Variants in KCNIP1 observed in about 807,000 individuals in gnomAD.
The protein encoded by KCNIP1 is potassium voltage-gated channel interacting protein 1.
A neutral mutation model predicts 33.0 loss-of-function variants in KCNIP1; 18 were observed. That is an observed-to-expected ratio of 0.55 (90% CI 0.38 to 0.81). The LOEUF is 0.81. Among genes scored for constraint, KCNIP1 ranks in the 30% least tolerant of loss-of-function variants. The pLI is 0.00. For missense variants in KCNIP1, 238 were observed against 271.6 expected (o/e 0.88, Z 0.87); for synonymous variants, 93 against 98.3 (o/e 0.95, Z 0.32).
At chr5:170,410,571 G>A (rs186927970) in intron 1 of KCNIP1, among the ~76,000 whole-genome samples, 2 of 151,954 alleles carry the variant, frequency 1.3e-5, no homozygotes, top group East Asian at 3.9e-4. Context: ...TTTTAAATAG[G>A]CCCTGTGGAA....
Position 170,504,805 on chromosome 5 carries a change from C to T in KCNIP1, c.61+172C>T, listed in dbSNP as rs1051659423. Among the ~76,000 whole-genome samples the T allele has an allele frequency of 1.3e-5, 2 of 152,148 alleles. No homozygotes were observed. Among genetic ancestry groups the T allele is most frequent in the African/African-American group, 4.8e-5 (2 of 41,444 alleles). On this transcript the variant is annotated intron_variant, in intron 1 of 7. Coordinates refer to ENST00000328939, the MANE Select transcript of KCNIP1 (RefSeq NM_014592.4). The surrounding 1 kb of genome is among the most constrained non-coding windows in gnomAD (Gnocchi z 6.0). ...CGGCGGGAGGGCTGGTGTGAACACC[C>T]AGAGGAGGGAGCCGGAGTGGACGTC...
intron 1 of KCNIP1, among the ~76,000 whole-genome samples, chr5:170,390,538 A>ATATATATATATATATT (rs1554088948): frequency 7.6e-6 from 1 of 131,222 alleles, no homozygotes; most frequent in Non-Finnish European, 1.6e-5. Context: ...ATATATATAT[A>ATATATATATATATATT]TTTTCAACAA....
chr5:170,523,503 TTCC>T (rs1358851422), intron 1 of KCNIP1, among the ~76,000 whole-genome samples: 1 of 152,162 alleles, frequency 6.6e-6, no homozygotes, highest in East Asian at 1.9e-4. Flanking sequence ...AGGGTAATCA[TTCC>T]TCCTCCTAAG....
Position 170,458,812 on chromosome 5 carries a change from G to T in KCNIP1, c.88+104848G>T, listed in dbSNP as rs1756445869. Among the ~76,000 whole-genome samples, 3 of 151,960 alleles carry T rather than the reference G, an allele frequency of 2.0e-5. No homozygotes were observed. The South Asian group carries it at 6.2e-4, about 32-fold the overall frequency. On this transcript the variant is annotated intron_variant, in intron 1 of 7. Coordinates refer to the KCNIP1 transcript ENST00000377360. ...AATTAAGACAACAACAAAAAACAAGGTATACGGACAACAAATAGCATGAAG... is the reference window on the plus strand; with the variant it reads ...AATTAAGACAACAACAAAAAACAAGTTATACGGACAACAAATAGCATGAAG...
intron 1 of KCNIP1, among the ~76,000 whole-genome samples, chr5:170,384,260 A>G (rs1764375873): frequency 6.6e-6 from 1 of 152,108 alleles, no homozygotes. Flanking sequence ...TCTTATCCAT[A>G]TCGTCTTCAT....
At chr5:170,699,910 C>T (rs373527596) in intron 1 of KCNIP1, among the ~76,000 whole-genome samples, 1 of 152,290 alleles carries the variant, frequency 6.6e-6, no homozygotes, top group African/African-American at 2.4e-5. Context: ...TCCGTGAAGC[C>T]CCAGCAAACG....
At position 170,645,231 on chromosome 5, in the gene KCNIP1, C is replaced by T. The variant is rs183080689; in HGVS notation, c.62-73527C>T. On this transcript the variant is annotated intron_variant, in intron 1 of 7. Coordinates refer to ENST00000328939, the MANE Select transcript of KCNIP1 (RefSeq NM_014592.4). ...AGCTTGTCTAGGTGGGTCACAAATC[C>T]GCCTCAGTCAGGCTTTAAATGGGGA... 5.3e-5 allele frequency among the ~76,000 whole-genome samples: 8 copies of T among 152,090 alleles called. No individual in the cohort carries two copies. In the East Asian group the frequency reaches 1.2e-3, roughly 22 times the overall value.
rs372540260 is a variant in KCNIP1, at chr5:170,550,521, AATG to A, written c.61+45898_61+45900del. ...TGATGATGATGGTGATGATGATGGCAATGATGATGATGGTGATAATGATGATGG... is the reference window on the plus strand; with the variant it reads ...TGATGATGATGGTGATGATGATGGCAATGATGATGGTGATAATGATGATGG... On this transcript the variant is annotated intron_variant, in intron 1 of 7. Transcript: ENST00000328939. Among the ~76,000 whole-genome samples, 198 of 144,508 alleles carry A rather than the reference AATG, an allele frequency of 1.4e-3. 1 individual carries two copies. The highest frequency in any genetic ancestry group is 5.1e-3 in the African/African-American group (193 of 37,942). 94.8% of individuals were successfully genotyped at this position (144,508 alleles called of 152,430 possible). A position where few individuals can be genotyped will look rare whatever the true frequency, so the allele number is the denominator to read the frequency against.
At chr5:170,522,520 C>T (rs1162007469) in intron 1 of KCNIP1, among the ~76,000 whole-genome samples, 6 of 152,272 alleles carry the variant, frequency 3.9e-5, no homozygotes, top group Non-Finnish European at 7.3e-5. Context: ...TGGGAGTATT[C>T]GCCTGACAGA....
chr5:170,563,211 C>T (rs918955426), intron 1 of KCNIP1, among the ~76,000 whole-genome samples: 37 of 152,234 alleles, frequency 2.4e-4, no homozygotes, highest in Non-Finnish European at 2.4e-4. Context: ...GGCGCTGCTG[C>T]TCCTCACCTT....
chr5:170,484,485 T>C (rs1757042203), intron 1 of KCNIP1, among the ~76,000 whole-genome samples: 2 of 152,202 alleles, frequency 1.3e-5, no homozygotes, highest in African/African-American at 2.4e-5. Context: ...GCCTGGTGGC[T>C]GCCGGGCCTC....
chr5:170,433,367 A>G (rs1755787184), intron 1 of KCNIP1, among the ~76,000 whole-genome samples: 1 of 152,014 alleles, frequency 6.6e-6, no homozygotes, highest in South Asian at 2.1e-4. Flanking sequence ...TTCTATTTTT[A>G]GTAGAGATGG....
At chr5:170,477,430 T>G (rs1350764600) in intron 1 of KCNIP1, among the ~76,000 whole-genome samples, 1 of 152,038 alleles carries the variant, frequency 6.6e-6, no homozygotes, top group Non-Finnish European at 1.5e-5. Flanking sequence ...TTTTTTGTTT[T>G]GTTTTGTTTT....
chr5:170,359,431 T>A (rs192019552), intron 1 of KCNIP1, among the ~76,000 whole-genome samples: 1 of 152,130 alleles, frequency 6.6e-6, no homozygotes, highest in South Asian at 2.1e-4. Context: ...ACCTGTCCCA[T>A]GAAAAGCTAA....
At position 170,361,249 on chromosome 5, in the gene KCNIP1, G is replaced by T. The variant is rs1266278848; in HGVS notation, c.88+7285G>T. Among the ~76,000 whole-genome samples, 7 of 152,314 alleles carry T rather than the reference G, an allele frequency of 4.6e-5. No homozygotes were observed. The South Asian group carries it at 1.2e-3, about 27-fold the overall frequency. On this transcript the variant is annotated intron_variant, in intron 1 of 7. Transcript: ENST00000377360. ...CAGGCAGCAGGGGAGAGGAGCTTTG[G>T]GGGAGAGGATGTGGAAATGAGGAAA...
chr5:170,475,520 G>A (rs1756837560), intron 1 of KCNIP1, among the ~76,000 whole-genome samples: 1 of 152,166 alleles, frequency 6.6e-6, no homozygotes, highest in Non-Finnish European at 1.5e-5. Context: ...GCTTTTCTTA[G>A]GTTGTTCTAA....
At chr5:170,412,551 A>C (rs1309493805) in intron 1 of KCNIP1, among the ~76,000 whole-genome samples, 1 of 152,146 alleles carries the variant, frequency 6.6e-6, no homozygotes, top group Non-Finnish European at 1.5e-5. Flanking sequence ...CAGAAATGTG[A>C]CTTCTGGAGA....
At chr5:170,478,723 T>C (rs1756911239) in intron 1 of KCNIP1, among the ~76,000 whole-genome samples, 1 of 152,180 alleles carries the variant, frequency 6.6e-6, no homozygotes, top group Non-Finnish European at 1.5e-5. Flanking sequence ...CACACTTGTA[T>C]GCTCTAAAGA....
intron 1 of KCNIP1, among the ~76,000 whole-genome samples, chr5:170,466,116 G>C (rs1307942403): frequency 1.3e-5 from 2 of 152,176 alleles, no homozygotes; most frequent in Non-Finnish European, 2.9e-5. Context: ...GACAAGTGGG[G>C]AGGTTTAAGA....
Sources: gnomAD v4.1 joint callset for allele counts (sites outside exome capture counted in the v4.1 genomes callset) on GRCh38, gnomAD v4.1.1 for gene constraint, Gnocchi (gnomAD v3.1) non-coding constraint, MANE v1.5 for transcripts, NCBI Gene and HGNC (gene_info 2026-07-23, HGNC 2026-07-21) for gene names.